KIF21A: variants seen among roughly 807,000 people sequenced by gnomAD.
The protein encoded by KIF21A is kinesin-like protein KIF21A.
In KIF21A, 114 loss-of-function variants were observed where a neutral mutation model predicts 202.9. The observed-to-expected ratio is 0.56, with a 90% CI of 0.48 to 0.66. The LOEUF (loss-of-function observed/expected upper bound fraction) is 0.66, where lower values mean the gene tolerates loss of function less well. KIF21A is among the 30% of genes least tolerant of loss of function. The pLI, the probability that KIF21A is intolerant of heterozygous loss-of-function variation, is 0.00. For missense variants in KIF21A, 1,677 were observed against 1,994.9 expected, an observed-to-expected ratio of 0.84 and a Z score of 3.04; for synonymous variants, 667 against 670.8, an observed-to-expected ratio of 0.99 and a Z score of 0.09.
At chr12:39,317,625 T>C (rs1944700017) in intron 29 of KIF21A, among the ~76,000 whole-genome samples, 1 of 152,170 alleles carries the variant, frequency 6.6e-6, no homozygotes, top group Non-Finnish European at 1.5e-5. Flanking sequence ...AACAATCAGA[T>C]GACAAAAACG....
intron 10 of KIF21A, among the ~76,000 whole-genome samples, chr12:39,353,255 C>T (rs1269611065): frequency 1.3e-5 from 2 of 152,062 alleles, no homozygotes; most frequent in African/African-American, 4.8e-5. Flanking sequence ...AAGCTCCCAG[C>T]CTCAAGTGAT....
intron 34 of KIF21A, 135 bp from the exon 35 acceptor site, chr12:39,305,073 A>G: frequency 1.7e-6 from 1 of 604,820 alleles, no homozygotes; most frequent in Admixed American, 2.5e-5. Context: ...ATGTTTAGAG[A>G]TGGGATCTTG....
At chr12:39,376,866 G>C (rs548746093) in intron 1 of KIF21A, among the ~76,000 whole-genome samples, 100 of 152,092 alleles carry the variant, frequency 6.6e-4, no homozygotes, top group African/African-American at 2.2e-3. Context: ...CTCATTTATT[G>C]GTCAAGTTAT....
At chr12:39,339,140 A>G (rs1486823489) in intron 16 of KIF21A, among the ~76,000 whole-genome samples, 2 of 150,978 alleles carry the variant, frequency 1.3e-5, no homozygotes, top group African/African-American at 4.9e-5. Context: ...TTAGCTGGGC[A>G]TGGTGGTGTG....
chr12:39,340,370 T>C lies in KIF21A; in HGVS notation c.2111-6A>G. 8.8e-6 allele frequency: 14 copies of C among 1,594,940 alleles called. No homozygotes were observed. Among genetic ancestry groups the C allele is most frequent in the Non-Finnish European group, 1.2e-5 (14 of 1,166,838 alleles). On this transcript the variant is annotated splice_region_variant and splice_polypyrimidine_tract_variant and intron_variant, in intron 15 of 37. Coordinates refer to ENST00000361418, the MANE Select transcript of KIF21A (RefSeq NM_001173464.2). ...TGAGTAAGATTCTACCGAGCCTAAA[T>C]GACCAGAGGACATTTTTATATGTTT...
intron 36 of KIF21A, among the ~76,000 whole-genome samples, chr12:39,301,944 A>T (rs1374373896): frequency 6.6e-6 from 1 of 152,240 alleles, no homozygotes; most frequent in African/African-American, 2.4e-5. Context: ...GAAAATACAT[A>T]GAACTTTCGA....
intron 24 of KIF21A, among the ~76,000 whole-genome samples, chr12:39,329,048 C>T (rs555365626): frequency 6.6e-6 from 1 of 152,296 alleles, no homozygotes; most frequent in Admixed American, 6.5e-5. Flanking sequence ...TCCCAGCATC[C>T]AGCCCAATGA....
chr12:39,439,987 A>G (rs1939339418), intron 1 of KIF21A, among the ~76,000 whole-genome samples: 1 of 152,202 alleles, frequency 6.6e-6, no homozygotes, highest in Non-Finnish European at 1.5e-5. Flanking sequence ...AAAGGAAAAA[A>G]AGCAGGTCAA....
At chr12:39,429,332 C>T (rs931390325) in intron 1 of KIF21A, among the ~76,000 whole-genome samples, 8 of 152,160 alleles carry the variant, frequency 5.3e-5, no homozygotes, top group African/African-American at 4.8e-5. Flanking sequence ...ACTTTCACAA[C>T]TCAACATATT....
intron 1 of KIF21A, among the ~76,000 whole-genome samples, chr12:39,398,841 TC>T (rs1951951393): frequency 6.6e-6 from 1 of 152,142 alleles, no homozygotes; most frequent in African/African-American, 2.4e-5. Context: ...AGGTTCCACA[TC>T]TGTGGATTCA....
At chr12:39,396,268 TCTGATTAAAAC>T (rs1166662939) in intron 1 of KIF21A, among the ~76,000 whole-genome samples, 1 of 152,222 alleles carries the variant, frequency 6.6e-6, no homozygotes, top group African/African-American at 2.4e-5. Context: ...TTGCTGGCTC[TCTGATTAAAAC>T]CTGCTTTCCT....
chr12:39,302,870 G>A, intron 36 of KIF21A, 95 bp downstream of exon 36: 1 of 1,066,440 alleles, frequency 9.4e-7, no homozygotes. Context: ...ATCTGTAAAT[G>A]ATAAAAATCT....
intron 29 of KIF21A, 138 bp from the exon 30 acceptor site, chr12:39,316,108 C>T: frequency 1.4e-6 from 1 of 726,852 alleles, no homozygotes; most frequent in Non-Finnish European, 2.6e-6. Flanking sequence ...TGCTTTTCTA[C>T]TTGCACTGGA....
chr12:39,416,691 A>ATATATGTACATATATATGTGTG (rs1953684460), intron 1 of KIF21A, among the ~76,000 whole-genome samples: 2 of 125,952 alleles, frequency 1.6e-5, no homozygotes, highest in African/African-American at 6.6e-5. Context: ...ATGTGTGTAT[A>ATATATGTACATATATATGTGTG]TATATATGTA....
At chr12:39,412,344 A>T (rs1227248028) in intron 1 of KIF21A, among the ~76,000 whole-genome samples, 1 of 152,210 alleles carries the variant, frequency 6.6e-6, no homozygotes, top group African/African-American at 2.4e-5. Flanking sequence ...GTCACTAAGA[A>T]TAATGACCCA....
At chr12:39,316,671 C>T (rs11171720) in intron 29 of KIF21A, among the ~76,000 whole-genome samples, 45,205 of 151,818 alleles carry the variant, frequency 0.3, 8,458 homozygotes, top group African/African-American at 0.53. Flanking sequence ...ATATGGTGAG[C>T]GTTAGCATAG....
intron 1 of KIF21A, among the ~76,000 whole-genome samples, chr12:39,395,472 T>C (rs1005787162): frequency 6.6e-6 from 1 of 151,506 alleles, no homozygotes; most frequent in East Asian, 2.0e-4. Flanking sequence ...CATATTTCCA[T>C]AGCATTTTCA....
chr12:39,344,314 C>T (rs1424996884), intron 12 of KIF21A, among the ~76,000 whole-genome samples: 1 of 152,190 alleles, frequency 6.6e-6, no homozygotes, highest in African/African-American at 2.4e-5. Flanking sequence ...GCAGCATGTA[C>T]TCAAACAGTG....
chr12:39,311,687 C>G (rs998914838), intron 31 of KIF21A, 134 bp from the exon 32 acceptor site: 16 of 827,160 alleles, frequency 1.9e-5, no homozygotes, highest in Middle Eastern at 3.2e-4. Flanking sequence ...CCAGACTGCT[C>G]TCTTTTAAGC....
Sources: allele counts gnomAD v4.1 joint callset (sites outside exome capture counted in the v4.1 genomes callset), GRCh38; gene constraint gnomAD v4.1.1; transcripts MANE v1.5; gene names NCBI Gene and HGNC (gene_info 2026-07-23, HGNC 2026-07-21).